Variants in IGDCC3 observed in about 807,000 individuals in gnomAD.
The protein encoded by IGDCC3 is putative neuronal cell adhesion molecule.
Under a neutral mutation model 72.0 loss-of-function variants are expected in IGDCC3, and 47 were observed. The ratio of observed to expected loss-of-function variants is 0.65; its 90% CI spans 0.52 to 0.83. The LOEUF is 0.83. Ranked by LOEUF, IGDCC3 falls within the 40% of genes least tolerant of loss-of-function variation. IGDCC3 has a pLI of 0.00. For synonymous variants in IGDCC3, 477 were observed against 472.8 expected (o/e 1.01, Z -0.11); for missense variants, 1,038 against 1,091.3 (o/e 0.95, Z 0.69).
chr15:65,366,770 C>T (rs1486119672), intron 2 of IGDCC3, among the ~76,000 whole-genome samples: 2 of 152,226 alleles, frequency 1.3e-5, no homozygotes, highest in Non-Finnish European at 2.9e-5. Context: ...CCCCGGCTTG[C>T]CACTCTTCAG....
chr15:65,357,812 C>A (rs2091234718), intron 2 of IGDCC3, among the ~76,000 whole-genome samples: 1 of 152,240 alleles, frequency 6.6e-6, no homozygotes, highest in African/African-American at 2.4e-5. Context: ...ACCTAAGACT[C>A]TAGGCCCTTA....
chr15:65,328,864 A>G lies in IGDCC3; in HGVS notation c.*45T>C. 1 of 1,488,626 alleles carries G rather than the reference A, an allele frequency of 6.7e-7. No homozygotes were observed. The highest frequency in any genetic ancestry group is 1.4e-5 in the South Asian group (1 of 71,854). 92.2% of individuals were successfully genotyped at this position (1,488,626 alleles called of 1,614,324 possible). ...GTAGAAATCTTGCTTTTGACCTGAG[A>G]ATGGGCCCCGCTCCGTCCACCCTCT... On this transcript the variant is annotated 3_prime_UTR_variant, in exon 14 of 14. Transcript: ENST00000327987.
chr15:65,335,606 C>T (rs551991839), intron 3 of IGDCC3, among the ~76,000 whole-genome samples, 185 bp from the exon 4 acceptor site: 31 of 152,220 alleles, frequency 2.0e-4, no homozygotes, highest in African/African-American at 7.2e-4. Flanking sequence ...CGATCGCACA[C>T]ATCCTCAGAC....
intron 2 of IGDCC3, among the ~76,000 whole-genome samples, chr15:65,347,509 C>A (rs2091134220): frequency 6.6e-6 from 1 of 152,210 alleles, no homozygotes; most frequent in African/African-American, 2.4e-5. Flanking sequence ...GAAACTCCAT[C>A]TTAAACACGA....
Position 65,329,982 on chromosome 15 carries a change from C to T in IGDCC3, c.1859-118G>A. The T allele has an allele frequency of 9.1e-7, 1 of 1,102,564 alleles. No individual in the cohort carries two copies. 68.3% of individuals were successfully genotyped at this position (1,102,564 alleles called of 1,614,324 possible). On this transcript the variant is annotated intron_variant, in intron 11 of 13. Transcript: ENST00000327987. The surrounding 1 kb of genome is among the most constrained non-coding windows in gnomAD (Gnocchi z 4.1). Reference sequence around the variant, plus strand: ...TCCCACTCCCAAGTGGGAGTGGGAACATCCTTTGACTTTGCCTACAGGACT... The same window carrying T: ...TCCCACTCCCAAGTGGGAGTGGGAATATCCTTTGACTTTGCCTACAGGACT...
At chr15:65,337,243 G>A (rs1473581560) in intron 2 of IGDCC3, among the ~76,000 whole-genome samples, 3 of 152,200 alleles carry the variant, frequency 2.0e-5, no homozygotes, top group Non-Finnish European at 2.9e-5. Context: ...TTTGCATGTG[G>A]TTCATTAAAT....
chr15:65,361,120 T>C (rs1382047954), intron 2 of IGDCC3, among the ~76,000 whole-genome samples: 2 of 152,100 alleles, frequency 1.3e-5, no homozygotes, highest in Non-Finnish European at 2.9e-5. Flanking sequence ...TTTGTCTAGC[T>C]CTAGCTCCTT....
chr15:65,342,753 G>T (rs369912746), intron 2 of IGDCC3, among the ~76,000 whole-genome samples: 1 of 152,186 alleles, frequency 6.6e-6, no homozygotes, highest in East Asian at 1.9e-4. Context: ...CAGATCCCAC[G>T]CTAGGGCTGT....
intron 2 of IGDCC3, among the ~76,000 whole-genome samples, chr15:65,346,525 C>G (rs72731331): frequency 1.3e-5 from 2 of 151,596 alleles, no homozygotes; most frequent in African/African-American, 4.8e-5. Flanking sequence ...GGCGCGATCT[C>G]GGCTCACTGC....
intron 2 of IGDCC3, among the ~76,000 whole-genome samples, chr15:65,344,024 CACTG>C (rs1158030891): frequency 6.6e-6 from 1 of 152,212 alleles, no homozygotes; most frequent in Non-Finnish European, 1.5e-5. Context: ...AGAAACCCCA[CACTG>C]ACTGGCTGTG....
Position 65,335,920 on chromosome 15 carries a change from A to C in IGDCC3, c.446T>G (p.Val149Gly). The C allele has an allele frequency of 1.2e-6, 2 of 1,614,090 alleles. No homozygotes were observed. Among genetic ancestry groups the C allele is most frequent in the Non-Finnish European group, 1.7e-6 (2 of 1,179,970 alleles). Residue 149 changes from valine (V) to glycine (G), a missense_variant, in exon 3 of 14, where the codon GTG (valine) becomes GGG (glycine). Transcript: ENST00000327987. ...GCGGGCCACACCACCCTCCTCACCC[A>C]CGGTGGCCTGGGGATGCACGTGGAA... The part of the protein sequence containing the change: ...SDFHVHPQAT[V>G]GEEGGVARFQ...
rs374038220 is a variant in IGDCC3 at position 65,375,191 on chromosome 15, C to T, written c.315G>A (p.Pro105=). ...CACCTTCATCCGAAGGGCTGCCTCCCGGCTCCAGCCTGAAGTGACGGATCA... is the reference window on the plus strand; with the variant it reads ...CACCTTCATCCGAAGGGCTGCCTCCTGGCTCCAGCCTGAAGTGACGGATCA... ...SLMIRHFRLE[P]GGSPSDEGDY... Residue 105 remains proline, a synonymous_variant, in exon 2 of 14, where the codon CCG becomes CCA. Coordinates refer to ENST00000327987, the MANE Select transcript of IGDCC3 (RefSeq NM_004884.4). 24 of 1,614,120 alleles carry T rather than the reference C, an allele frequency of 1.5e-5. No individual in the cohort carries two copies. Among genetic ancestry groups the T allele is most frequent in the African/African-American group, 5.3e-5 (4 of 74,950 alleles).
chr15:65,375,210 C>T lies in IGDCC3; in HGVS notation c.296G>A (p.Arg99His), dbSNP rs1344408428. 35 of 1,614,116 alleles carry T rather than the reference C, an allele frequency of 2.2e-5. No individual in the cohort carries two copies. Among genetic ancestry groups the T allele is most frequent in the Middle Eastern group, 1.6e-4 (1 of 6,084 alleles). The part of the protein sequence containing the change: ...TLLANGSLMI[R>H]HFRLEPGGSP... ...GCCTCCCGGCTCCAGCCTGAAGTGA[C>T]GGATCATCAAGGACCCATTGGCCAG... The change falls in exon 2 of 14, where the codon CGT (arginine) becomes CAT (histidine). Residue 99 changes from arginine (R) to histidine (H), a missense_variant. By Grantham distance (29) the Arg-to-His change is conservative. Coordinates refer to ENST00000327987, the MANE Select transcript of IGDCC3 (RefSeq NM_004884.4).
chr15:65,377,776 G>C lies in IGDCC3; in HGVS notation c.13C>G (p.Arg5Gly). The change falls in exon 1 of 14, where the codon CGC becomes GGC. Residue 5 changes from arginine (R) to glycine (G), a missense_variant. Physicochemically the swap from Arg to Gly is moderately radical, Grantham distance 125. Transcript: ENST00000327987. This position sits in a 1 kb window ranked among gnomAD's most constrained non-coding sequence, Gnocchi z 4.9. MAVQRAASPRRPPAP... is the reference protein window; with the variant it reads MAVQGAASPRRPPAP... ...GGCGGGCGGCGCGGAGACGCGGCGC[G>C]CTGCACAGCCATGGGGCTCTCGGTC... 2.3e-6 allele frequency: 3 copies of C among 1,291,764 alleles called. No homozygotes were observed. In the South Asian group the frequency reaches 6.9e-5, roughly 30 times the overall value. The allele number at this position is 1,291,764 out of a possible 1,614,324, so 80.0% of individuals were successfully genotyped here.
At chr15:65,369,005 T>G (rs894330800) in intron 2 of IGDCC3, among the ~76,000 whole-genome samples, 2 of 152,068 alleles carry the variant, frequency 1.3e-5, no homozygotes, top group African/African-American at 4.8e-5. Flanking sequence ...TTTAGGAGCT[T>G]AAAATCTAGT....
rs938695321 is a variant in IGDCC3 at position 65,339,015 on chromosome 15, G to A, written c.410-3059C>T. On this transcript the variant is annotated intron_variant, in intron 2 of 13. Coordinates refer to ENST00000327987, the MANE Select transcript of IGDCC3 (RefSeq NM_004884.4). This position sits in a 1 kb window ranked among gnomAD's most constrained non-coding sequence, Gnocchi z 4.1. ...CCTCTCAGGCTCAGGTGATCCTCCC[G>A]CCTCAGCCTCCTGAGGAGCTGGGAC... Among the ~76,000 whole-genome samples the A allele has an allele frequency of 1.3e-5, 2 of 151,994 alleles. No homozygotes were observed. Among genetic ancestry groups the A allele is most frequent in the African/African-American group, 2.4e-5 (1 of 41,362 alleles).
chr15:65,370,620 G>GTATATATATATATATA (rs71136346), intron 2 of IGDCC3, among the ~76,000 whole-genome samples: 32 of 94,558 alleles, frequency 3.4e-4, no homozygotes, highest in East Asian at 1.5e-3. Flanking sequence ...ATATGTATGT[G>GTATATATATATATATA]TATATATATA....
chr15:65,355,893 C>A, intron 2 of IGDCC3: 1 of 309,884 alleles, frequency 3.2e-6, no homozygotes. Context: ...CAGCTGGGCC[C>A]GGCCCCGGCG....
At chr15:65,342,337 G>T (rs1486394453) in intron 2 of IGDCC3, among the ~76,000 whole-genome samples, 1 of 150,526 alleles carries the variant, frequency 6.6e-6, no homozygotes, top group Non-Finnish European at 1.5e-5. Context: ...GGTGAGCCGA[G>T]ATCACGCCAT....
Sources: gnomAD v4.1 joint callset for allele counts (sites outside exome capture counted in the v4.1 genomes callset) on GRCh38, gnomAD v4.1.1 for gene constraint, Gnocchi (gnomAD v3.1) non-coding constraint, MANE v1.5 for transcripts, NCBI Gene and HGNC (gene_info 2026-07-23, HGNC 2026-07-21) for gene names.